Variants in PID1 observed in about 807,000 individuals in gnomAD.
PID1 encodes the protein phosphotyrosine interaction domain containing 1.
A neutral mutation model predicts 19.1 loss-of-function variants in PID1; 10 were observed. The observed-to-expected ratio is 0.52, with a 90% CI of 0.32 to 0.89. PID1 has a LOEUF of 0.89. Among genes scored for constraint, PID1 ranks in the 40% least tolerant of loss-of-function variants. The pLI, the probability that PID1 is intolerant of heterozygous loss-of-function variation, is 0.03. For missense variants in PID1, 248 were observed against 285.3 expected, an observed-to-expected ratio of 0.87 and a Z score of 0.94; for synonymous variants, 130 against 116.0, an observed-to-expected ratio of 1.12 and a Z score of -0.78.
chr2:229,170,105 T>C (rs1291071455), intron 1 of PID1, among the ~76,000 whole-genome samples: 2 of 152,092 alleles, frequency 1.3e-5, no homozygotes, highest in Non-Finnish European at 2.9e-5. Flanking sequence ...AATCAGAAAA[T>C]CCAAACATTT....
At chr2:229,041,246 C>T (rs1442398374) in intron 2 of PID1, among the ~76,000 whole-genome samples, 6 of 152,068 alleles carry the variant, frequency 3.9e-5, no homozygotes, top group Admixed American at 1.3e-4. Flanking sequence ...TGGAACATCA[C>T]GCTTTACCAG....
chr2:229,199,473 G>C (rs1032658330), intron 1 of PID1, among the ~76,000 whole-genome samples: 6 of 151,862 alleles, frequency 4.0e-5, no homozygotes, highest in African/African-American at 1.5e-4. Flanking sequence ...AGCAGTATCT[G>C]GCCCGTGGCC....
intron 2 of PID1, among the ~76,000 whole-genome samples, chr2:229,051,863 A>T (rs555399824): frequency 6.6e-6 from 1 of 152,260 alleles, no homozygotes; most frequent in Non-Finnish European, 1.5e-5. Context: ...TAGGTAACAC[A>T]TTCTTCCTAT....
In PID1 at chr2:229,139,138, AAAGAAAGAAAGC is replaced by A. The variant is rs1689954701; in HGVS notation, c.177+16668_177+16679del. ...AAGAGAAAGAAAGAAAGAAAGAAAGAAAGAAAGAAAGCAAGCGAGCGAGCAAGCGAGCTTCCC... is the reference window on the plus strand; with the variant it reads ...AAGAGAAAGAAAGAAAGAAAGAAAGAAAGCGAGCGAGCAAGCGAGCTTCCC... On this transcript the variant is annotated intron_variant, in intron 2 of 2. Transcript: ENST00000392055. Among the ~76,000 whole-genome samples the A allele has an allele frequency of 1.9e-4, 22 of 116,672 alleles. 2 individuals are homozygous for A. The highest frequency in any genetic ancestry group is 6.6e-4 in the African/African-American group (20 of 30,146). 76.5% of individuals were successfully genotyped at this position (116,672 alleles called of 152,430 possible).
At chr2:229,183,793 C>T (rs1690997802) in intron 1 of PID1, among the ~76,000 whole-genome samples, 2 of 151,632 alleles carry the variant, frequency 1.3e-5, no homozygotes, top group African/African-American at 4.9e-5. Flanking sequence ...AACTGTAGAT[C>T]TCTAATATCA....
chr2:229,065,383 C>T (rs887004775), intron 2 of PID1, among the ~76,000 whole-genome samples: 9 of 152,044 alleles, frequency 5.9e-5, no homozygotes, highest in African/African-American at 1.4e-4. Context: ...CTGTTGTGAC[C>T]AATTAGATCC....
intron 2 of PID1, among the ~76,000 whole-genome samples, chr2:229,099,756 T>C (rs1448135497): frequency 6.6e-6 from 1 of 152,204 alleles, no homozygotes; most frequent in African/African-American, 2.4e-5. Context: ...TGGAAAGAAG[T>C]AGAAAGTGAT....
intron 2 of PID1, among the ~76,000 whole-genome samples, chr2:229,076,854 A>G (rs1392408176): frequency 2.6e-5 from 4 of 152,218 alleles, no homozygotes; most frequent in Non-Finnish European, 5.9e-5. Context: ...TGCAATAAAC[A>G]TACGTGTGCA....
intron 2 of PID1, among the ~76,000 whole-genome samples, chr2:229,036,777 A>C (rs903944933): frequency 1.3e-5 from 2 of 152,060 alleles, no homozygotes; most frequent in Non-Finnish European, 2.9e-5. Context: ...AAACAAAAAA[A>C]CCCGAAAATG....
intron 2 of PID1, among the ~76,000 whole-genome samples, chr2:229,119,118 A>G (rs1695467417): frequency 6.6e-6 from 1 of 152,182 alleles, no homozygotes; most frequent in African/African-American, 2.4e-5. Context: ...AGCTTGAGGA[A>G]CTCATGCAGT....
intron 1 of PID1, among the ~76,000 whole-genome samples, chr2:229,214,462 A>T (rs976582576): frequency 2.6e-5 from 4 of 152,168 alleles, no homozygotes; most frequent in African/African-American, 9.7e-5. Context: ...AGGATATTGA[A>T]GGCTTCATCA....
intron 1 of PID1, among the ~76,000 whole-genome samples, chr2:229,203,590 A>G (rs1691545193): frequency 6.6e-6 from 1 of 152,160 alleles, no homozygotes; most frequent in Non-Finnish European, 1.5e-5. Context: ...CTTCTCTACC[A>G]GCAACAATAT....
intron 2 of PID1, among the ~76,000 whole-genome samples, chr2:229,136,099 T>C (rs1382950013): frequency 2.0e-5 from 3 of 152,204 alleles, no homozygotes; most frequent in African/African-American, 7.2e-5. Context: ...TCTCACTTGC[T>C]TGCTCAGATG....
intron 1 of PID1, among the ~76,000 whole-genome samples, chr2:229,241,245 T>A (rs1211458733): frequency 6.6e-6 from 1 of 152,138 alleles, no homozygotes; most frequent in Non-Finnish European, 1.5e-5. Flanking sequence ...CCTGCCAGAA[T>A]TTTTTTAGTT....
intron 2 of PID1, among the ~76,000 whole-genome samples, chr2:229,046,843 A>G (rs1406692977): frequency 1.3e-5 from 2 of 152,178 alleles, no homozygotes; most frequent in African/African-American, 2.4e-5. Context: ...TTTAAACTCA[A>G]TGTTCTGCAA....
intron 2 of PID1, among the ~76,000 whole-genome samples, chr2:229,147,588 T>C (rs1690161759): frequency 1.3e-5 from 2 of 152,052 alleles, no homozygotes; most frequent in African/African-American, 4.8e-5. Context: ...ACTTAATACA[T>C]TATAAATATT....
chr2:229,152,117 G>A (rs575324998), intron 2 of PID1, among the ~76,000 whole-genome samples: 10 of 152,254 alleles, frequency 6.6e-5, no homozygotes, highest in Middle Eastern at 3.4e-3. Flanking sequence ...ACCTCCCAGG[G>A]TACGGGTCTG....
rs555924845 is a variant in PID1 at position 229,151,174 on chromosome 2, C to G, written c.177+4644G>C. On this transcript the variant is annotated intron_variant, in intron 2 of 2. Transcript: ENST00000392055. ...TACTGACCTATGAAAGGTGCAGAAGCCTGAAGAAAAGAAACAACTTGCTCA... is the reference window on the plus strand; with the variant it reads ...TACTGACCTATGAAAGGTGCAGAAGGCTGAAGAAAAGAAACAACTTGCTCA... Among the ~76,000 whole-genome samples the G allele has an allele frequency of 9.2e-5, 14 of 152,004 alleles. No homozygotes were observed. The East Asian group carries it at 2.7e-3, about 29-fold the overall frequency.
rs140350112 is a variant in PID1, at chr2:229,078,415, C to A, written c.178-52307G>T. 1.5e-4 allele frequency among the ~76,000 whole-genome samples: 23 copies of A among 152,308 alleles called. No individual in the cohort carries two copies. In the East Asian group the frequency reaches 3.9e-3, roughly 26 times the overall value. On this transcript the variant is annotated intron_variant, in intron 2 of 2. Coordinates refer to ENST00000392055, the MANE Select transcript of PID1 (RefSeq NM_001100818.2). ...CTTTCTCTTACCTGATTGCCCTGGT[C>A]AGAACTTCCAGCACTATGTTGCATA...
Sources: gnomAD v4.1 joint callset for allele counts (sites outside exome capture counted in the v4.1 genomes callset) on GRCh38, gnomAD v4.1.1 for gene constraint, MANE v1.5 for transcripts, NCBI Gene and HGNC (gene_info 2026-07-23, HGNC 2026-07-21) for gene names.